The following GRAMD1A variants were observed in gnomAD, a reference collection of about 807,000 sequenced individuals.
GRAMD1A encodes the protein GRAM domain containing 1A.
In GRAMD1A, 50 loss-of-function variants were observed where a neutral mutation model predicts 92.0. The ratio of observed to expected loss-of-function variants is 0.54; its 90% CI spans 0.43 to 0.69. The LOEUF is 0.69. Among genes scored for constraint, GRAMD1A ranks in the 30% least tolerant of loss-of-function variants. The pLI is 0.00. For synonymous variants in GRAMD1A, 405 were observed against 403.6 expected, an observed-to-expected ratio of 1.00 and a Z score of -0.04; for missense variants, 819 against 978.9, an observed-to-expected ratio of 0.84 and a Z score of 2.18.
intron 11 of GRAMD1A, among the ~76,000 whole-genome samples, chr19:35,018,777 G>T (rs1053316475): frequency 6.6e-6 from 1 of 152,270 alleles, no homozygotes; most frequent in South Asian, 2.1e-4. Flanking sequence ...TGAGTAGGGG[G>T]TGTCCAGGGC....
upstream of GRAMD1A, among the ~76,000 whole-genome samples, chr19:34,996,644 T>C (rs2014049141): frequency 6.6e-6 from 1 of 152,054 alleles, no homozygotes; most frequent in Admixed American, 6.6e-5. Flanking sequence ...CCATCTTGAC[T>C]AAAAACACAA....
chr19:35,003,822 C>T (rs569678673), intron 1 of GRAMD1A, among the ~76,000 whole-genome samples: 2 of 152,352 alleles, frequency 1.3e-5, no homozygotes, highest in South Asian at 2.1e-4. Flanking sequence ...TCAGTCCTGT[C>T]CCTGAGCTTG....
chr19:35,010,771 T>C, intron 6 of GRAMD1A: 1 of 480,564 alleles, frequency 2.1e-6, no homozygotes, highest in Non-Finnish European at 3.7e-6. Context: ...TGGGGGACAC[T>C]TCCCAGCAGA....
intron 6 of GRAMD1A, chr19:35,010,775 C>T (rs1600296758): frequency 4.2e-6 from 2 of 477,464 alleles, no homozygotes; most frequent in East Asian, 3.4e-5. Flanking sequence ...GGACACTTCC[C>T]AGCAGACTTC....
Position 35,009,226 on chromosome 19 carries a change from C to T in GRAMD1A, c.116C>T (p.Thr39Ile). The T allele has an allele frequency of 1.9e-6, 3 of 1,613,800 alleles. No homozygotes were observed. Among genetic ancestry groups the T allele is most frequent in the Non-Finnish European group, 2.5e-6 (3 of 1,179,714 alleles). Residue 39 changes from threonine to isoleucine, a missense_variant, in exon 2 of 20, where the codon ACC (threonine) becomes ATC (isoleucine). Around this residue, in one of 3 missense-constraint regions of GRAMD1A, gnomAD observed 98 missense variants for 84.0 expected, o/e 1.17. Transcript: ENST00000317991. ...CCCCCACCTGAGCCAGAACCAGGCACCATGGTGGAGAAGGGATCAGATAGC... is the reference window on the plus strand; with the variant it reads ...CCCCCACCTGAGCCAGAACCAGGCATCATGGTGGAGAAGGGATCAGATAGC... Reference protein sequence around the residue: ...SRPPPEPEPGTMVEKGSDSSS... With the variant: ...SRPPPEPEPGIMVEKGSDSSS...
upstream of GRAMD1A, among the ~76,000 whole-genome samples, chr19:34,998,801 G>C (rs78101209): frequency 6.7e-6 from 1 of 149,544 alleles, no homozygotes; most frequent in Non-Finnish European, 1.5e-5. Context: ...GGTAGGGCAC[G>C]GCGATAGGGG....
intron 11 of GRAMD1A, among the ~76,000 whole-genome samples, chr19:35,018,920 C>A (rs546351598): frequency 6.6e-6 from 1 of 150,622 alleles, no homozygotes; most frequent in South Asian, 2.1e-4. Context: ...CAGGGACCTT[C>A]CAGGGGAAGG....
Position 35,014,381 on chromosome 19 carries a change from G to A in GRAMD1A, c.1063G>A (p.Glu355Lys). 1 of 1,613,926 alleles carries A rather than the reference G, an allele frequency of 6.2e-7. No homozygotes were observed. Among genetic ancestry groups the A allele is most frequent in the Non-Finnish European group, 8.5e-7 (1 of 1,179,812 alleles). Reference sequence around the variant, plus strand: ...AAGTAACTCCTCTTCATCCACTGGGGAGGAAGGTGAGGCAGGCGGGCCCAA... The same window carrying A: ...AAGTAACTCCTCTTCATCCACTGGGAAGGAAGGTGAGGCAGGCGGGCCCAA... ...DTSNSSSSTGEEADLAALLPD... is the reference protein window; with the variant it reads ...DTSNSSSSTGKEADLAALLPD... Residue 355 changes from glutamate to lysine, a missense_variant, in exon 10 of 20, where the codon GAG becomes AAG. Physicochemically the swap from Glu to Lys is moderately conservative, Grantham distance 56. Coordinates refer to ENST00000317991, the MANE Select transcript of GRAMD1A (RefSeq NM_020895.5).
rs1373777473 is a variant in GRAMD1A, at chr19:35,009,949, C to T, written c.302C>T (p.Pro101Leu). 6.2e-7 allele frequency: 1 copy of T among 1,611,484 alleles called. No homozygotes were observed. Among genetic ancestry groups the T allele is most frequent in the African/African-American group, 1.3e-5 (1 of 74,850 alleles). ...TTCCGGAAACTGTTCAGCAAACTCC[C>T]CGAAGCAGAACGCCTCATTGTGGGT... ...EDFRKLFSKL[P>L]EAERLIVDYS... Residue 101 changes from proline (P) to leucine (L), a missense_variant, in exon 4 of 20, where the codon CCC (proline) becomes CTC (leucine). This residue lies in a region of GRAMD1A where 144 missense variants were observed against 220.3 expected (regional missense o/e 0.65). Transcript: ENST00000317991.
intron 16 of GRAMD1A, among the ~76,000 whole-genome samples, 183 bp downstream of exon 16, chr19:35,022,221 G>C (rs1014580274): frequency 1.3e-5 from 2 of 152,138 alleles, no homozygotes; most frequent in African/African-American, 4.8e-5. Context: ...AGCCTTCCCT[G>C]CTAGAACAGC....
intron 11 of GRAMD1A, among the ~76,000 whole-genome samples, chr19:35,018,477 G>A (rs185734962): frequency 2.2e-4 from 34 of 152,250 alleles, no homozygotes; most frequent in Admixed American, 7.2e-4. Flanking sequence ...CCCTACCTCC[G>A]GCATTGGGGA....
intron 1 of GRAMD1A, among the ~76,000 whole-genome samples, chr19:35,001,955 C>T (rs551234686): frequency 1.6e-4 from 24 of 151,874 alleles, no homozygotes; most frequent in African/African-American, 5.8e-4. Flanking sequence ...ACATTTGTGA[C>T]ATTGTTGTGT....
intron 13 of GRAMD1A, among the ~76,000 whole-genome samples, chr19:35,020,160 G>T (rs1408533213): frequency 2.0e-5 from 3 of 152,200 alleles, no homozygotes; most frequent in Non-Finnish European, 4.4e-5. Context: ...GGGAGGCTGA[G>T]GCAGGAGTAT....
Position 35,017,206 on chromosome 19 carries a change from G to C in GRAMD1A, c.1213+1239G>C, listed in dbSNP as rs1435477076. Among the ~76,000 whole-genome samples the C allele has an allele frequency of 3.3e-5, 5 of 151,900 alleles. No homozygotes were observed. The South Asian group carries it at 1.0e-3, about 32-fold the overall frequency. ...AAATGCTCCTGAGGCCTCCCCAGAA[G>C]CCGAGCAGATGTCGGCATCATGCTT... is the stretch of plus-strand genomic sequence containing the variant. On this transcript the variant is annotated intron_variant, in intron 11 of 19. Transcript: ENST00000317991.
At chr19:35,005,854 G>C in intron 1 of GRAMD1A, 1 of 456,208 alleles carries the variant, frequency 2.2e-6, no homozygotes, top group East Asian at 7.0e-5. Flanking sequence ...CCAAAGTCCT[G>C]AAGGACAAAT....
Position 35,019,239 on chromosome 19 carries a change from G to T in GRAMD1A, c.1262G>T (p.Arg421Leu), listed in dbSNP as rs538898774. ...GGGGACAGCAAGTGCCACCAGCGCC[G>T]GGTGCTGACGTACACCATCCCCATC... ...WSGDSKCHQR[R>L]VLTYTIPISN... Residue 421 changes from arginine to leucine, a missense_variant, in exon 12 of 20, where the codon CGG (arginine) becomes CTG (leucine). Coordinates refer to ENST00000317991, the MANE Select transcript of GRAMD1A (RefSeq NM_020895.5). 6.2e-7 allele frequency: 1 copy of T among 1,613,392 alleles called. No homozygotes were observed. Among genetic ancestry groups the T allele is most frequent in the East Asian group, 2.2e-5 (1 of 44,846 alleles).
chr19:34,996,263 C>T (rs2014033012), upstream of GRAMD1A: 1 of 1,533,904 alleles, frequency 6.5e-7, no homozygotes. Context: ...GCAGAGGATG[C>T]CAGACCCGCA....
rs953801898 is a variant in GRAMD1A at position 35,013,423 on chromosome 19, C to T, written c.719+55C>T. On this transcript the variant is annotated intron_variant, in intron 8 of 19. Transcript: ENST00000317991. This position sits in a 1 kb window ranked among gnomAD's most constrained non-coding sequence, Gnocchi z 4.9. ...GTTCGGGGGAGAACAGGACGGTCGG[C>T]GTGCAGAGTTCCTGGAGTGCTGGGG... 5.3e-6 allele frequency: 8 copies of T among 1,498,600 alleles called. No homozygotes were observed. Among genetic ancestry groups the T allele is most frequent in the Admixed American group, 1.8e-5 (1 of 56,672 alleles). The allele number at this position is 1,498,600 out of a possible 1,614,324, so 92.8% of individuals were successfully genotyped here. A position where few individuals can be genotyped will look rare whatever the true frequency, so the allele number is the denominator to read the frequency against.
chr19:35,011,990 C>T (rs1159958045), intron 7 of GRAMD1A, among the ~76,000 whole-genome samples: 1 of 152,186 alleles, frequency 6.6e-6, no homozygotes, highest in African/African-American at 2.4e-5. Context: ...GGGTCCCATT[C>T]AGCATCCTGA....
Sources: gnomAD v4.1 joint callset for allele counts (sites outside exome capture counted in the v4.1 genomes callset) on GRCh38, gnomAD v4.1.1 for gene constraint, gnomAD v4.1.1 regional missense constraint, Gnocchi (gnomAD v3.1) non-coding constraint, MANE v1.5 for transcripts, NCBI Gene and HGNC (gene_info 2026-07-23, HGNC 2026-07-21) for gene names.